Variants in SEMA3D observed in about 807,000 individuals in gnomAD.
SEMA3D encodes semaphorin 3D.
SEMA3D carries 84 observed loss-of-function variants against 100.1 expected under a neutral mutation model. That is an observed-to-expected ratio of 0.84 (90% CI 0.70 to 1.01). The LOEUF (loss-of-function observed/expected upper bound fraction) is 1.01. SEMA3D is among the 50% of genes least tolerant of loss of function. The probability of loss-of-function intolerance (pLI) is 0.00; values close to 1 mark genes in which losing one functional copy is unlikely to be tolerated. For synonymous variants in SEMA3D, 312 were observed against 320.7 expected, an observed-to-expected ratio of 0.97 and a Z score of 0.29; for missense variants, 875 against 934.1, an observed-to-expected ratio of 0.94 and a Z score of 0.82.
intron 9 of SEMA3D, among the ~76,000 whole-genome samples, chr7:85,043,155 C>T (rs183399722): frequency 2.2e-4 from 34 of 152,092 alleles, no homozygotes; most frequent in African/African-American, 6.3e-4. Context: ...CCCAGTAGTT[C>T]GAGACCAGTA....
In SEMA3D at chr7:85,139,530, G is replaced by C. The variant is rs563235306; in HGVS notation, c.-41+14078C>G. 9.0e-4 allele frequency among the ~76,000 whole-genome samples: 137 copies of C among 151,750 alleles called. 1 individual carries two copies. The highest frequency in any genetic ancestry group is 1.6e-3 in the Non-Finnish European group (107 of 67,902). ...ATAATATTTCTGTCTTTTTCACAAA[G>C]GGACTACAGATGAATGCTATTCTTT... On this transcript the variant is annotated intron_variant, in intron 2 of 18. Coordinates refer to ENST00000284136, the MANE Select transcript of SEMA3D (RefSeq NM_001384900.1).
At chr7:85,003,703 CAGACA>C (rs1487444895) in intron 18 of SEMA3D, among the ~76,000 whole-genome samples, 12 of 152,030 alleles carry the variant, frequency 7.9e-5, no homozygotes, top group African/African-American at 2.9e-4. Flanking sequence ...TAAGCAATGA[CAGACA>C]AGACAATTCA....
upstream of SEMA3D, among the ~76,000 whole-genome samples, chr7:85,187,973 C>T (rs535092777): frequency 1.1e-4 from 17 of 152,256 alleles, no homozygotes; most frequent in South Asian, 3.5e-3. Flanking sequence ...ATAAATCTGA[C>T]ATGAGGTAGA....
At chr7:85,051,221 T>G (rs1180630986) in intron 9 of SEMA3D, among the ~76,000 whole-genome samples, 4 of 151,842 alleles carry the variant, frequency 2.6e-5, no homozygotes, top group Non-Finnish European at 5.9e-5. Context: ...GTTAAGAAAC[T>G]GAGAGAATGG....
chr7:85,233,617 G>A, the SEMA3D span, among the ~76,000 whole-genome samples: 4 of 152,206 alleles, frequency 2.6e-5, no homozygotes, highest in East Asian at 1.9e-4. Context: ...CTGCCCTCCC[G>A]TACTTTGTTG....
At chr7:85,106,101 A>T (rs1788910914) in intron 3 of SEMA3D, among the ~76,000 whole-genome samples, 2 of 152,048 alleles carry the variant, frequency 1.3e-5, no homozygotes, top group South Asian at 4.1e-4. Flanking sequence ...ACCTGTAAAA[A>T]AGTTAGTATT....
At chr7:85,142,606 T>A (rs961112178) in intron 2 of SEMA3D, 19 of 984,384 alleles carry the variant, frequency 1.9e-5, no homozygotes, top group Non-Finnish European at 2.0e-5. Flanking sequence ...GAATAAAGGC[T>A]TTGGATATTT....
intron 14 of SEMA3D, among the ~76,000 whole-genome samples, 168 bp from the exon 15 acceptor site, chr7:85,018,461 T>C (rs752344891): frequency 6.6e-5 from 10 of 151,756 alleles, no homozygotes; most frequent in Non-Finnish European, 1.5e-4. Context: ...AATGTAGTGA[T>C]TGTACCTTAA....
intron 18 of SEMA3D, among the ~76,000 whole-genome samples, chr7:85,002,078 A>G (rs1258266535): frequency 6.6e-6 from 1 of 151,874 alleles, no homozygotes; most frequent in African/African-American, 2.4e-5. Flanking sequence ...TACTTTTGCT[A>G]TTATCTTTTT....
chr7:85,129,989 A>T (rs892943110), intron 2 of SEMA3D, among the ~76,000 whole-genome samples: 17 of 152,134 alleles, frequency 1.1e-4, no homozygotes, highest in African/African-American at 3.9e-4. Flanking sequence ...TTTTTTTAAA[A>T]AAGATGTGCT....
the SEMA3D span, among the ~76,000 whole-genome samples, chr7:85,208,340 T>C: frequency 6.6e-6 from 1 of 152,084 alleles, no homozygotes; most frequent in Non-Finnish European, 1.5e-5. Context: ...ATCCATAAGA[T>C]ATTGTAAATT....
chr7:85,050,072 A>AACACACAC lies in SEMA3D; in HGVS notation c.861+5637_861+5644dup, dbSNP rs55849524. ...ACTTAAAAGGTGGGTCTTGAAGGGA[A>AACACACAC]ACACACACACACACACACACACACA... On this transcript the variant is annotated intron_variant, in intron 9 of 18. Coordinates refer to ENST00000284136, the MANE Select transcript of SEMA3D (RefSeq NM_001384900.1). Among the ~76,000 whole-genome samples, 105 of 137,016 alleles carry AACACACAC rather than the reference A, an allele frequency of 7.7e-4. 1 individual carries two copies. The highest frequency in any genetic ancestry group is 2.0e-3 in the African/African-American group (74 of 36,710). The allele number at this position is 137,016 out of a possible 152,430, so 89.9% of individuals were successfully genotyped here. A position where few individuals can be genotyped will look rare whatever the true frequency, so the allele number is the denominator to read the frequency against.
At chr7:85,039,142 G>A (rs1170677677) in intron 11 of SEMA3D, among the ~76,000 whole-genome samples, 1 of 152,140 alleles carries the variant, frequency 6.6e-6, no homozygotes, top group Non-Finnish European at 1.5e-5. Context: ...AATATAGGCT[G>A]TAACAGGGAA....
Position 84,999,665 on chromosome 7 carries a change from C to A in SEMA3D, c.2109G>T (p.Lys703Asn). Residue 703 changes from lysine to asparagine, a missense_variant, in exon 19 of 19, where the codon AAG (lysine) becomes AAT (asparagine). Transcript: ENST00000284136. ...QRAEHEEGKVKDLLAESRLRY... is the reference protein window; with the variant it reads ...QRAEHEEGKVNDLLAESRLRY... ...TCAACCGTGACTCAGCCAATAGATC[C>A]TTGACCTTCCCCTCCTCATGCTCTG... The A allele has an allele frequency of 6.2e-7, 1 of 1,614,060 alleles. No individual in the cohort carries two copies. The highest frequency in any genetic ancestry group is 8.5e-7 in the Non-Finnish European group (1 of 1,180,008).
the SEMA3D span, among the ~76,000 whole-genome samples, chr7:85,203,447 C>T: frequency 9.9e-5 from 15 of 151,786 alleles, no homozygotes; most frequent in African/African-American, 3.6e-4. Flanking sequence ...AACATGCAAC[C>T]GAACATTGTG....
chr7:85,085,725 T>A (rs1788195886), intron 4 of SEMA3D, among the ~76,000 whole-genome samples: 1 of 152,210 alleles, frequency 6.6e-6, no homozygotes, highest in Non-Finnish European at 1.5e-5. Flanking sequence ...TGTTTTAAAG[T>A]ACTTGCTCTT....
the SEMA3D span, among the ~76,000 whole-genome samples, chr7:85,245,701 C>T: frequency 6.6e-6 from 1 of 152,034 alleles, no homozygotes; most frequent in African/African-American, 2.4e-5. Context: ...TTTCACATAG[C>T]ATTTTTTTTC....
chr7:85,042,695 T>A (rs1159277637), intron 9 of SEMA3D, among the ~76,000 whole-genome samples: 1 of 152,128 alleles, frequency 6.6e-6, no homozygotes, highest in Non-Finnish European at 1.5e-5. Flanking sequence ...TTTTCAGAGA[T>A]GAAGTCTTTC....
At chr7:85,158,714 C>T (rs754649140) in intron 1 of SEMA3D, among the ~76,000 whole-genome samples, 12 of 152,190 alleles carry the variant, frequency 7.9e-5, no homozygotes, top group East Asian at 5.8e-4. Flanking sequence ...GCTGGTTTTG[C>T]GGCTTGCGGG....
Sources: allele counts gnomAD v4.1 joint callset (sites outside exome capture counted in the v4.1 genomes callset), GRCh38; gene constraint gnomAD v4.1.1; transcripts MANE v1.5; gene names NCBI Gene and HGNC (gene_info 2026-07-23, HGNC 2026-07-21).